The following SYNE1 variants were observed in gnomAD, a reference collection of about 807,000 sequenced individuals.
SYNE1 encodes the protein nesprin-1.
Under a neutral mutation model 1,111.0 loss-of-function variants are expected in SYNE1, and 616 were observed. The ratio of observed to expected loss-of-function variants is 0.55; its 90% CI spans 0.52 to 0.59. The LOEUF (loss-of-function observed/expected upper bound fraction) is 0.59, where lower values mean the gene tolerates loss of function less well. SYNE1 is among the 20% of genes least tolerant of loss of function. SYNE1 has a pLI of 0.00. For missense variants in SYNE1, 10,006 were observed against 10,417.0 expected (o/e 0.96, Z 1.72); for synonymous variants, 3,855 against 3,825.8 (o/e 1.01, Z -0.28).
At position 152,465,422 on chromosome 6, in the gene SYNE1, T is replaced by A. The variant is rs1187641103; in HGVS notation, c.1768A>T (p.Thr590Ser). The change falls in exon 18 of 146, where the codon ACC becomes TCC. Residue 590 changes from threonine (T) to serine (S), a missense_variant. Thr to Ser is a moderately conservative substitution (Grantham distance 58, BLOSUM62 1). Coordinates refer to ENST00000367255, the MANE Select transcript of SYNE1 (RefSeq NM_182961.4). Reference protein sequence around the residue: ...AENVMKFMNETTAQWRNLSVE... With the variant: ...AENVMKFMNESTAQWRNLSVE... ...GAGAGATTCCTCCACTGAGCGGTGGTTTCATTCATGAATTTCATCACATTC... is the reference window on the plus strand; with the variant it reads ...GAGAGATTCCTCCACTGAGCGGTGGATTCATTCATGAATTTCATCACATTC... The A allele has an allele frequency of 1.2e-6, 2 of 1,613,496 alleles. No homozygotes were observed. Among genetic ancestry groups the A allele is most frequent in the African/African-American group, 2.7e-5 (2 of 74,870 alleles).
At chr6:152,344,718 A>G (rs1271385378) in intron 73 of SYNE1, among the ~76,000 whole-genome samples, 1 of 152,232 alleles carries the variant, frequency 6.6e-6, no homozygotes, top group Non-Finnish European at 1.5e-5. Context: ...AAATTATAAC[A>G]TGAGGAGTGG....
At chr6:152,548,475 C>A (rs1344334477) in intron 3 of SYNE1, among the ~76,000 whole-genome samples, 3 of 152,196 alleles carry the variant, frequency 2.0e-5, no homozygotes, top group African/African-American at 7.2e-5. Context: ...TGAAGTGACC[C>A]CACTCCTGCC....
intron 3 of SYNE1, among the ~76,000 whole-genome samples, chr6:152,550,166 A>G (rs1328602007): frequency 6.6e-6 from 1 of 152,212 alleles, no homozygotes; most frequent in Non-Finnish European, 1.5e-5. Context: ...CTTTTGCTGA[A>G]AGGTTACATA....
At chr6:152,375,181 G>A (rs1050039434) in intron 58 of SYNE1, among the ~76,000 whole-genome samples, 11 of 152,104 alleles carry the variant, frequency 7.2e-5, no homozygotes, top group Non-Finnish European at 1.3e-4. Context: ...GATCTTAAGT[G>A]ATCCACCCAC....
intron 43 of SYNE1, 47 bp from the exon 44 acceptor site, chr6:152,409,273 C>T: frequency 1.9e-6 from 3 of 1,584,432 alleles, no homozygotes; most frequent in Non-Finnish European, 2.6e-6. Flanking sequence ...AGTGATAAGT[C>T]ATGAGTTTAA....
chr6:152,204,403 TA>T (rs1004866898), intron 126 of SYNE1, among the ~76,000 whole-genome samples: 105 of 144,118 alleles, frequency 7.3e-4, no homozygotes, highest in Middle Eastern at 3.7e-3. Context: ...GAAAGAAAGA[TA>T]AAAAAGATCA....
chr6:152,463,648 C>T, intron 18 of SYNE1, 131 bp from the exon 19 acceptor site: 10 of 823,292 alleles, frequency 1.2e-5, no homozygotes, highest in Admixed American at 8.8e-5. Context: ...TCACAAATCT[C>T]TTTAAAATGC....
intron 3 of SYNE1, among the ~76,000 whole-genome samples, chr6:152,548,718 C>A (rs189896392): frequency 2.0e-3 from 301 of 152,226 alleles, no homozygotes; most frequent in African/African-American, 6.2e-3. Context: ...CAGTAGTGAC[C>A]AGAGGACAGA....
At chr6:152,576,034 G>A (rs911814753) in intron 3 of SYNE1, among the ~76,000 whole-genome samples, 1 of 152,254 alleles carries the variant, frequency 6.6e-6, no homozygotes, top group Non-Finnish European at 1.5e-5. Flanking sequence ...AAACGTGCCT[G>A]TGCATGTCTT....
At chr6:152,552,139 G>C (rs899715960) in intron 3 of SYNE1, among the ~76,000 whole-genome samples, 7 of 152,256 alleles carry the variant, frequency 4.6e-5, no homozygotes, top group South Asian at 2.1e-4. Flanking sequence ...TGGGGAAAAG[G>C]GGGGAGAAAA....
intron 38 of SYNE1, among the ~76,000 whole-genome samples, chr6:152,426,944 C>T (rs921151192): frequency 6.6e-6 from 1 of 152,168 alleles, no homozygotes; most frequent in Admixed American, 6.5e-5. Context: ...TCCTCTTAAA[C>T]GTCTTATAAA....
chr6:152,595,504 C>T (rs1314190050), intron 3 of SYNE1, among the ~76,000 whole-genome samples: 2 of 152,160 alleles, frequency 1.3e-5, no homozygotes, highest in Non-Finnish European at 1.5e-5. Context: ...TTGCTGACAC[C>T]CCTATCTCAA....
chr6:152,528,824 G>T (rs1469772911), intron 4 of SYNE1, among the ~76,000 whole-genome samples: 1 of 152,190 alleles, frequency 6.6e-6, no homozygotes, highest in Non-Finnish European at 1.5e-5. Flanking sequence ...CACTTCAGCT[G>T]ATCAGTCAGT....
chr6:152,147,944 G>A lies in SYNE1; in HGVS notation c.24976+101C>T, dbSNP rs2152876953. The stretch of plus-strand genomic sequence containing the variant: ...TTAGGTACAATTTCCCCGCATGAAA[G>A]AAGGAAGCAAATGATTCTGGATAGC... On this transcript the variant is annotated intron_variant, in intron 137 of 145. Coordinates refer to ENST00000367255, the MANE Select transcript of SYNE1 (RefSeq NM_182961.4). The A allele has an allele frequency of 2.8e-6, 3 of 1,075,818 alleles. No homozygotes were observed. In the East Asian group the frequency reaches 7.1e-5, roughly 26 times the overall value. The allele number at this position is 1,075,818 out of a possible 1,614,324, so 66.6% of individuals were successfully genotyped here. A position where few individuals can be genotyped will look rare whatever the true frequency, so the allele number is the denominator to read the frequency against.
At chr6:152,219,747 G>A (rs1035408642) in intron 119 of SYNE1, among the ~76,000 whole-genome samples, 4 of 152,202 alleles carry the variant, frequency 2.6e-5, no homozygotes, top group Admixed American at 6.5e-5. Context: ...TGGTGAGCAG[G>A]GGGTGAGAGT....
chr6:152,606,720 T>C (rs1175234653), intron 3 of SYNE1, among the ~76,000 whole-genome samples: 2 of 152,262 alleles, frequency 1.3e-5, no homozygotes, highest in East Asian at 3.9e-4. Flanking sequence ...CGATCTCGGC[T>C]CACTGCAAGC....
intron 3 of SYNE1, among the ~76,000 whole-genome samples, chr6:152,552,634 A>G (rs747730913): frequency 3.9e-5 from 6 of 152,156 alleles, no homozygotes; most frequent in Non-Finnish European, 7.4e-5. Flanking sequence ...GCAAGCACCT[A>G]AAAGAGTGAA....
At chr6:152,191,358 A>G (rs1272440741) in intron 127 of SYNE1, among the ~76,000 whole-genome samples, 2 of 151,442 alleles carry the variant, frequency 1.3e-5, no homozygotes, top group East Asian at 3.9e-4. Flanking sequence ...TAGGATTGGT[A>G]TTAGTTCTTC....
rs1230175738 is a variant in SYNE1, at chr6:152,281,133, C to T, written c.18381+674G>A. Among the ~76,000 whole-genome samples the T allele has an allele frequency of 5.3e-5, 8 of 152,204 alleles. No homozygotes were observed. The East Asian group carries it at 1.2e-3, about 22-fold the overall frequency. On this transcript the variant is annotated intron_variant, in intron 97 of 145. Transcript: ENST00000367255. The stretch of plus-strand genomic sequence containing the variant: ...TTTTAAGGTATACTTCACCCATGTG[C>T]GAAGTCAAATATGAAGATCATCATT...
Sources: allele counts gnomAD v4.1 joint callset (sites outside exome capture counted in the v4.1 genomes callset), GRCh38; gene constraint gnomAD v4.1.1; transcripts MANE v1.5; gene names NCBI Gene and HGNC (gene_info 2026-07-23, HGNC 2026-07-21).